The following CCDC3 variants were observed in gnomAD, a reference collection of about 807,000 sequenced individuals.
The protein encoded by CCDC3 is coiled-coil domain containing 3, also known as coiled-coil domain-containing protein 3.
A neutral mutation model predicts 21.4 loss-of-function variants in CCDC3; 24 were observed. The ratio of observed to expected loss-of-function variants is 1.12; its 90% confidence interval spans 0.81 to 1.58. The LOEUF (loss-of-function observed/expected upper bound fraction) is 1.58, where lower values mean the gene tolerates loss of function less well. Ranked by LOEUF, CCDC3 falls within the 40% of genes most tolerant of loss-of-function variation. CCDC3 has a pLI of 0.00. For synonymous variants in CCDC3, 186 were observed against 166.0 expected (o/e 1.12, Z -0.93); for missense variants, 425 against 360.9 (o/e 1.18, Z -1.44).
At chr10:12,967,374 A>G (rs993883927) in intron 2 of CCDC3, among the ~76,000 whole-genome samples, 1 of 152,244 alleles carries the variant, frequency 6.6e-6, no homozygotes, top group African/African-American at 2.4e-5. Context: ...TAAGAATTCA[A>G]AATAATTATT....
At chr10:12,931,011 G>C (rs903070889) in intron 2 of CCDC3, among the ~76,000 whole-genome samples, 29 of 152,174 alleles carry the variant, frequency 1.9e-4, no homozygotes, top group African/African-American at 5.3e-4. Context: ...AGGACTTCCA[G>C]ACCAGCCTGG....
chr10:13,090,977 C>A (rs1029226988), intron 3 of CCDC3, among the ~76,000 whole-genome samples: 2 of 152,170 alleles, frequency 1.3e-5, no homozygotes, highest in African/African-American at 2.4e-5. Context: ...CCCCAGCAAA[C>A]CACTGCAGTA....
chr10:13,093,867 G>C (rs1253899650), intron 3 of CCDC3, among the ~76,000 whole-genome samples: 1 of 152,136 alleles, frequency 6.6e-6, no homozygotes, highest in African/African-American at 2.4e-5. Flanking sequence ...TCTAAAATTA[G>C]ACAGCCAGGC....
intron 2 of CCDC3, among the ~76,000 whole-genome samples, chr10:12,985,872 G>C (rs1209925272): frequency 6.6e-6 from 1 of 152,076 alleles, no homozygotes; most frequent in Non-Finnish European, 1.5e-5. Context: ...AAATTGCATC[G>C]AGTTTTTTAT....
At chr10:12,977,102 C>A (rs1835428699) in intron 2 of CCDC3, among the ~76,000 whole-genome samples, 1 of 152,060 alleles carries the variant, frequency 6.6e-6, no homozygotes, top group African/African-American at 2.4e-5. Context: ...GGTGAAACCC[C>A]ATCTCTACCA....
intron 5 of CCDC3, among the ~76,000 whole-genome samples, chr10:13,027,639 A>C (rs1261705248): frequency 6.7e-6 from 1 of 149,942 alleles, no homozygotes; most frequent in East Asian, 2.1e-4. Flanking sequence ...TGAGCTTGGG[A>C]GTTTGAGGCT....
At chr10:13,006,385 A>G (rs1835924780), upstream of CCDC3, among the ~76,000 whole-genome samples, 2 of 152,210 alleles carry the variant, frequency 1.3e-5, no homozygotes, top group Admixed American at 6.5e-5. Flanking sequence ...AATTTTAGCC[A>G]CCACCTCATT....
intron 2 of CCDC3, among the ~76,000 whole-genome samples, chr10:12,983,574 GA>G (rs552370690): frequency 0.098 from 7,029 of 71,398 alleles, 182 homozygotes; most frequent in Middle Eastern, 0.17. Context: ...CCTCTCTCAA[GA>G]AAAAAAAAAA....
At chr10:12,941,373 G>A (rs1483276064) in intron 2 of CCDC3, among the ~76,000 whole-genome samples, 2 of 148,446 alleles carry the variant, frequency 1.3e-5, no homozygotes, top group Non-Finnish European at 1.5e-5. Flanking sequence ...CTATGGAGAA[G>A]CCATTCTTTT....
chr10:13,097,366 G>A (rs917207477), intron 3 of CCDC3, among the ~76,000 whole-genome samples: 19 of 152,172 alleles, frequency 1.2e-4, no homozygotes, highest in African/African-American at 3.1e-4. Context: ...TGTTGAAGAC[G>A]TATTTCCTCT....
At chr10:12,903,582 C>T (rs1193671978) in intron 2 of CCDC3, among the ~76,000 whole-genome samples, 1 of 152,218 alleles carries the variant, frequency 6.6e-6, no homozygotes, top group African/African-American at 2.4e-5. Context: ...AGCCCCAAAG[C>T]AACAGACTCC....
At chr10:13,068,618 T>A (rs560284189) in intron 4 of CCDC3, among the ~76,000 whole-genome samples, 2 of 152,328 alleles carry the variant, frequency 1.3e-5, no homozygotes, top group South Asian at 4.1e-4. Flanking sequence ...GTGAACAGTT[T>A]GACTTGCCTG....
chr10:12,941,411 C>T (rs1010992779), intron 2 of CCDC3, among the ~76,000 whole-genome samples: 5 of 152,204 alleles, frequency 3.3e-5, no homozygotes, highest in African/African-American at 7.2e-5. Flanking sequence ...CATTTTACTC[C>T]ATGGCCTCGC....
intron 5 of CCDC3, among the ~76,000 whole-genome samples, chr10:13,020,109 C>A (rs1836125784): frequency 6.6e-6 from 1 of 152,112 alleles, no homozygotes. Flanking sequence ...AATACAGATC[C>A]ATTTTTCTTC....
At chr10:12,906,498 C>T (rs1002684329) in intron 2 of CCDC3, among the ~76,000 whole-genome samples, 6 of 152,090 alleles carry the variant, frequency 3.9e-5, no homozygotes, top group Non-Finnish European at 4.4e-5. Context: ...CTGATGCTGC[C>T]GGGGGAGGAG....
chr10:13,039,617 T>C (rs1836423216), intron 5 of CCDC3, among the ~76,000 whole-genome samples: 1 of 152,200 alleles, frequency 6.6e-6, no homozygotes, highest in African/African-American at 2.4e-5. Context: ...AGGATGTTTT[T>C]CTGCTGCTTT....
intron 2 of CCDC3, among the ~76,000 whole-genome samples, chr10:12,935,707 C>G: frequency 6.6e-6 from 1 of 151,222 alleles, no homozygotes; most frequent in South Asian, 2.1e-4. Context: ...GCTCTGTTGC[C>G]GAGGCTGGAG....
intron 2 of CCDC3, among the ~76,000 whole-genome samples, chr10:12,912,891 C>T (rs1430018293): frequency 6.6e-6 from 1 of 152,222 alleles, no homozygotes; most frequent in African/African-American, 2.4e-5. Flanking sequence ...CATGTCTTGG[C>T]ATCTCTGTCG....
intron 2 of CCDC3, among the ~76,000 whole-genome samples, chr10:12,908,392 T>C (rs901902211): frequency 1.3e-5 from 2 of 152,092 alleles, no homozygotes; most frequent in Non-Finnish European, 2.9e-5. Context: ...GCAGCAAGAA[T>C]AGACTACAAG....
Sources: gnomAD v4.1 joint callset for allele counts (sites outside exome capture counted in the v4.1 genomes callset) on GRCh38, gnomAD v4.1.1 for gene constraint, MANE v1.5 for transcripts, NCBI Gene and HGNC (gene_info 2026-07-23, HGNC 2026-07-21) for gene names.